The following SPAG16 variants were observed in gnomAD, a reference collection of about 807,000 sequenced individuals.
SPAG16 encodes sperm associated antigen 16, also known as sperm-associated antigen 16 protein.
A neutral mutation model predicts 80.4 loss-of-function variants in SPAG16; 86 were observed. The observed-to-expected ratio is 1.07, with a 90% CI of 0.90 to 1.28. The LOEUF (loss-of-function observed/expected upper bound fraction) is 1.28, where lower values mean the gene tolerates loss of function less well. SPAG16 is among the 50% of genes most tolerant of loss of function. The pLI is 0.00. For missense variants in SPAG16, 870 were observed against 765.3 expected (o/e 1.14, Z -1.61); for synonymous variants, 294 against 265.9 (o/e 1.11, Z -1.03).
At chr2:213,761,599 C>A (rs1041521965) in intron 10 of SPAG16, among the ~76,000 whole-genome samples, 1 of 152,096 alleles carries the variant, frequency 6.6e-6, no homozygotes, top group Non-Finnish European at 1.5e-5. Context: ...CGGTGGCTCA[C>A]GCCTGTAATC....
At chr2:213,936,573 A>G (rs767741311) in intron 12 of SPAG16, among the ~76,000 whole-genome samples, 1 of 152,212 alleles carries the variant, frequency 6.6e-6, no homozygotes, top group Non-Finnish European at 1.5e-5. Context: ...TAAAAATTGT[A>G]TTCTGGATAG....
chr2:213,596,235 A>G (rs1348349790), intron 10 of SPAG16, among the ~76,000 whole-genome samples: 4 of 152,112 alleles, frequency 2.6e-5, no homozygotes, highest in Non-Finnish European at 5.9e-5. Flanking sequence ...CTTTTTGATA[A>G]TGGTGCAGAG....
intron 15 of SPAG16, among the ~76,000 whole-genome samples, chr2:214,202,023 T>C (rs1170143861): frequency 6.6e-6 from 1 of 152,034 alleles, no homozygotes. Context: ...TATTTGTAAT[T>C]TTGTGTAGAA....
chr2:213,884,940 A>G lies in SPAG16; in HGVS notation c.1214+22312A>G, dbSNP rs542913123. 4.6e-5 allele frequency among the ~76,000 whole-genome samples: 7 copies of G among 152,288 alleles called. No homozygotes were observed. The South Asian group carries it at 8.3e-4, about 18-fold the overall frequency. On this transcript the variant is annotated intron_variant, in intron 11 of 15. Transcript: ENST00000331683. ...AGTTTTACCTTTCTCTTGAATATCA[A>G]TGACCTTCCTTGCCATCCAGATTCT...
At chr2:213,608,169 A>C (rs1032252277) in intron 10 of SPAG16, among the ~76,000 whole-genome samples, 4 of 152,070 alleles carry the variant, frequency 2.6e-5, no homozygotes, top group Admixed American at 2.6e-4. Flanking sequence ...TATACTTTCC[A>C]TTTTTTATTC....
At chr2:213,561,589 C>T (rs1276697558) in intron 10 of SPAG16, among the ~76,000 whole-genome samples, 4 of 152,232 alleles carry the variant, frequency 2.6e-5, no homozygotes, top group Non-Finnish European at 5.9e-5. Context: ...TAATTCTTTA[C>T]CTCTAGCAAA....
At chr2:213,632,977 T>G (rs2062213460) in intron 10 of SPAG16, among the ~76,000 whole-genome samples, 1 of 152,214 alleles carries the variant, frequency 6.6e-6, no homozygotes, top group Non-Finnish European at 1.5e-5. Flanking sequence ...AGGCTAATAC[T>G]GGCCTTGTAG....
intron 12 of SPAG16, among the ~76,000 whole-genome samples, chr2:213,954,687 G>T (rs1272598518): frequency 6.6e-6 from 1 of 152,026 alleles, no homozygotes; most frequent in Non-Finnish European, 1.5e-5. Flanking sequence ...GAGCTGAATT[G>T]CTGGATCCCA....
intron 10 of SPAG16, among the ~76,000 whole-genome samples, chr2:213,492,960 T>G (rs1395199988): frequency 1.3e-5 from 2 of 152,194 alleles, no homozygotes; most frequent in African/African-American, 2.4e-5. Context: ...TCTCTCTCTC[T>G]CGTTTCTCCT....
At chr2:213,933,286 G>T (rs571210874) in intron 12 of SPAG16, among the ~76,000 whole-genome samples, 2 of 152,116 alleles carry the variant, frequency 1.3e-5, no homozygotes, top group Non-Finnish European at 2.9e-5. Flanking sequence ...TAACAATGTT[G>T]GTCTGTGTTA....
chr2:214,196,992 A>C (rs566077481), intron 15 of SPAG16, among the ~76,000 whole-genome samples: 45 of 152,078 alleles, frequency 3.0e-4, no homozygotes, highest in African/African-American at 1.0e-3. Flanking sequence ...ATAATGTATA[A>C]ATCTAACAGC....
At chr2:213,337,522 A>G (rs574847761) in intron 5 of SPAG16, among the ~76,000 whole-genome samples, 9 of 152,192 alleles carry the variant, frequency 5.9e-5, no homozygotes, top group Non-Finnish European at 1.0e-4. Context: ...TATAGAGAGG[A>G]ATATAAATTA....
intron 13 of SPAG16, among the ~76,000 whole-genome samples, chr2:214,046,218 C>T (rs561367228): frequency 1.3e-5 from 2 of 152,040 alleles, no homozygotes; most frequent in African/African-American, 4.8e-5. Context: ...AAAACTCTCC[C>T]AGCAAAGAAA....
At chr2:213,834,934 T>C (rs1369491479) in intron 10 of SPAG16, among the ~76,000 whole-genome samples, 4 of 152,216 alleles carry the variant, frequency 2.6e-5, no homozygotes, top group Non-Finnish European at 5.9e-5. Context: ...TTAAAATATC[T>C]TCCCAGATTC....
At chr2:213,806,058 C>G (rs993913186) in intron 10 of SPAG16, among the ~76,000 whole-genome samples, 4 of 152,140 alleles carry the variant, frequency 2.6e-5, no homozygotes, top group Non-Finnish European at 5.9e-5. Flanking sequence ...TTATGTATAA[C>G]TTGATTGCTG....
chr2:213,656,858 C>G (rs2063240734), intron 10 of SPAG16, among the ~76,000 whole-genome samples: 1 of 152,108 alleles, frequency 6.6e-6, no homozygotes, highest in Non-Finnish European at 1.5e-5. Flanking sequence ...TTGAATAGTT[C>G]ATGGAGAATC....
At chr2:213,538,163 G>A (rs989850403) in intron 10 of SPAG16, among the ~76,000 whole-genome samples, 1 of 152,128 alleles carries the variant, frequency 6.6e-6, no homozygotes, top group Non-Finnish European at 1.5e-5. Context: ...TATTGAAAAT[G>A]ACTCTGTTTT....
chr2:213,475,070 C>T (rs2073300864), intron 9 of SPAG16, among the ~76,000 whole-genome samples: 1 of 152,190 alleles, frequency 6.6e-6, no homozygotes, highest in Non-Finnish European at 1.5e-5. Flanking sequence ...GTACAAAGCT[C>T]ATCCCCAAAT....
At chr2:213,605,573 T>C (rs1371008517) in intron 10 of SPAG16, among the ~76,000 whole-genome samples, 13 of 152,146 alleles carry the variant, frequency 8.5e-5, no homozygotes, top group Admixed American at 8.5e-4. Context: ...CACTGCAACC[T>C]CCACCTCCTG....
Sources: gnomAD v4.1 joint callset for allele counts (sites outside exome capture counted in the v4.1 genomes callset) on GRCh38, gnomAD v4.1.1 for gene constraint, MANE v1.5 for transcripts, NCBI Gene and HGNC (gene_info 2026-07-23, HGNC 2026-07-21) for gene names.